NLN: variants seen among roughly 807,000 people sequenced by gnomAD.
NLN encodes neurolysin, mitochondrial.
A neutral mutation model predicts 79.9 loss-of-function variants in NLN; 64 were observed. The observed-to-expected ratio is 0.80, with a 90% CI of 0.65 to 0.99. The LOEUF (loss-of-function observed/expected upper bound fraction) is 0.99, where lower values mean the gene tolerates loss of function less well. NLN is among the 50% of genes least tolerant of loss of function. The pLI is 0.00. For missense variants in NLN, 835 were observed against 858.7 expected, an observed-to-expected ratio of 0.97 and a Z score of 0.34; for synonymous variants, 267 against 296.6, an observed-to-expected ratio of 0.90 and a Z score of 1.02.
chr5:65,761,972 C>T (rs1235660193), intron 2 of NLN, among the ~76,000 whole-genome samples: 1 of 152,176 alleles, frequency 6.6e-6, no homozygotes, highest in African/African-American at 2.4e-5. Context: ...TACTTATTTT[C>T]ACAGCATAAC....
chr5:65,730,968 T>C (rs886726978), intron 1 of NLN, among the ~76,000 whole-genome samples: 3 of 152,340 alleles, frequency 2.0e-5, no homozygotes, highest in African/African-American at 7.2e-5. Context: ...TGGAGTACAA[T>C]GATCAATGTT....
At chr5:65,804,720 A>C (rs746446238) in intron 9 of NLN, among the ~76,000 whole-genome samples, 8 of 152,068 alleles carry the variant, frequency 5.3e-5, no homozygotes, top group Non-Finnish European at 1.0e-4. Context: ...TTTAGTAGAC[A>C]TGGGTTCACC....
rs185240571 is a variant in NLN, at chr5:65,763,419, A to G, written c.450+311A>G. On this transcript the variant is annotated intron_variant, in intron 3 of 12. Transcript: ENST00000380985. ...CTTAGACCAAATCAATTAGAAGCAA[A>G]TGGAATCAAGTTGTTTATCTGTAAA... 1.9e-3 allele frequency among the ~76,000 whole-genome samples: 292 copies of G among 152,344 alleles called. 2 individuals carry two copies. The highest frequency in any genetic ancestry group is 1.9e-3 in the Non-Finnish European group (130 of 68,032).
At chr5:65,766,313 A>G (rs1161248077) in intron 3 of NLN, among the ~76,000 whole-genome samples, 1 of 152,222 alleles carries the variant, frequency 6.6e-6, no homozygotes, top group Non-Finnish European at 1.5e-5. Flanking sequence ...GGGAGGCCTT[A>G]GGAACTTACA....
chr5:65,791,255 C>T (rs1760051463), intron 8 of NLN, among the ~76,000 whole-genome samples: 1 of 151,980 alleles, frequency 6.6e-6, no homozygotes, highest in Admixed American at 6.6e-5. Flanking sequence ...AACCCCATCT[C>T]TAGTAAAAAT....
chr5:65,810,465 C>A (rs1364136576), intron 11 of NLN, among the ~76,000 whole-genome samples: 2 of 152,200 alleles, frequency 1.3e-5, no homozygotes, highest in African/African-American at 4.8e-5. Context: ...TCCTCCCTCC[C>A]TGTATGCATC....
intron 6 of NLN, among the ~76,000 whole-genome samples, chr5:65,782,485 A>G (rs1579946813): frequency 6.6e-6 from 1 of 152,200 alleles, no homozygotes; most frequent in South Asian, 2.1e-4. Flanking sequence ...GCCAAATCTT[A>G]TATACTGTCT....
At chr5:65,785,396 G>C (rs181851040) in intron 6 of NLN, among the ~76,000 whole-genome samples, 3 of 152,198 alleles carry the variant, frequency 2.0e-5, no homozygotes, top group Admixed American at 6.5e-5. Context: ...TACGTTATGT[G>C]TATTTTACCA....
intron 9 of NLN, among the ~76,000 whole-genome samples, chr5:65,803,245 A>G (rs1003069845): frequency 6.6e-6 from 1 of 152,172 alleles, no homozygotes; most frequent in African/African-American, 2.4e-5. Flanking sequence ...CTTTCTGCCC[A>G]GGAACCTGTC....
At chr5:65,806,094 G>T (rs1760404986) in intron 9 of NLN, among the ~76,000 whole-genome samples, 1 of 151,872 alleles carries the variant, frequency 6.6e-6, no homozygotes, top group Admixed American at 6.6e-5. Context: ...AAAAAAAAAA[G>T]ATTCCTTTCA....
intron 1 of NLN, among the ~76,000 whole-genome samples, chr5:65,753,338 A>G (rs1759142889): frequency 6.6e-6 from 1 of 152,182 alleles, no homozygotes; most frequent in African/African-American, 2.4e-5. Context: ...GAAATGCTTG[A>G]AGTAATTTTC....
At chr5:65,794,244 A>G in intron 9 of NLN, among the ~76,000 whole-genome samples, 1 of 152,196 alleles carries the variant, frequency 6.6e-6, no homozygotes, top group East Asian at 1.9e-4. Flanking sequence ...AAACTTCAAA[A>G]GAAAGTAATC....
At position 65,810,139 on chromosome 5, in the gene NLN, A is replaced by G; in HGVS notation, c.1817A>G (p.Glu606Gly). The G allele has an allele frequency of 6.2e-7, 1 of 1,614,008 alleles. No homozygotes were observed. The highest frequency in any genetic ancestry group is 8.5e-7 in the Non-Finnish European group (1 of 1,179,854). Residue 606 changes from glutamate to glycine, a missense_variant, in exon 11 of 13, where the codon GAA becomes GGA. Physicochemically the swap from Glu to Gly is moderately conservative, Grantham distance 98. Transcript: ENST00000380985. ...AGTGAATATGCCAAATACTGCTCAG[A>G]AATATTAGGAGTTGCAGCTACTCCA... Reference protein sequence around the residue: ...AASEYAKYCSEILGVAATPGT... With the variant: ...AASEYAKYCSGILGVAATPGT...
intron 2 of NLN, 73 bp downstream of exon 2, chr5:65,758,899 T>G (rs1358776704): frequency 7.3e-7 from 1 of 1,369,514 alleles, no homozygotes; most frequent in East Asian, 2.3e-5. Context: ...TTTCTGTCTT[T>G]CAGTTTTCCA....
intron 9 of NLN, chr5:65,793,015 T>G: frequency 2.8e-6 from 1 of 359,684 alleles, no homozygotes; most frequent in Non-Finnish European, 5.4e-6. Flanking sequence ...TTATCAATGC[T>G]TTGTTTACTT....
At chr5:65,734,739 G>T (rs1272711185) in intron 1 of NLN, among the ~76,000 whole-genome samples, 1 of 152,172 alleles carries the variant, frequency 6.6e-6, no homozygotes, top group Non-Finnish European at 1.5e-5. Context: ...TGTAGTGACT[G>T]AAATAATCAC....
At chr5:65,803,472 C>A (rs894241598) in intron 9 of NLN, among the ~76,000 whole-genome samples, 7 of 152,184 alleles carry the variant, frequency 4.6e-5, no homozygotes, top group African/African-American at 1.7e-4. Flanking sequence ...GGATTGACCT[C>A]AGCTTTGCTC....
chr5:65,763,521 C>G (rs1369897387), intron 3 of NLN, among the ~76,000 whole-genome samples: 1 of 151,834 alleles, frequency 6.6e-6, no homozygotes, highest in South Asian at 2.1e-4. Flanking sequence ...TGTCTGTCAT[C>G]CTTACATTTT....
chr5:65,788,415 C>A lies in NLN; in HGVS notation c.1256C>A (p.Thr419Lys). 6.2e-7 allele frequency: 1 copy of A among 1,613,742 alleles called. No homozygotes were observed. The highest frequency in any genetic ancestry group is 1.3e-5 in the African/African-American group (1 of 75,030). The change falls in exon 8 of 13, where the codon ACA becomes AAA. Residue 419 changes from threonine (T) to lysine (K), a missense_variant. Transcript: ENST00000380985. ...GCTCATGTTTGGAACAAGAGTGTTA[C>A]ACTTTATACTGTGAAGGATAAAGCT... is the stretch of plus-strand genomic sequence containing the variant. ...TDAHVWNKSV[T>K]LYTVKDKATG...
Sources: gnomAD v4.1 joint callset for allele counts (sites outside exome capture counted in the v4.1 genomes callset) on GRCh38, gnomAD v4.1.1 for gene constraint, MANE v1.5 for transcripts, NCBI Gene and HGNC (gene_info 2026-07-23, HGNC 2026-07-21) for gene names.